RFX3: variants seen among roughly 807,000 people sequenced by gnomAD.
RFX3 encodes regulatory factor X3.
In RFX3, 14 loss-of-function variants were observed where a neutral mutation model predicts 98.6. The observed-to-expected ratio is 0.14, with a 90% CI of 0.09 to 0.22. The LOEUF is 0.22. RFX3 is among the 10% of genes least tolerant of loss of function. The probability of loss-of-function intolerance (pLI) is 1.00; values close to 1 mark genes in which losing one functional copy is unlikely to be tolerated. For missense variants in RFX3, 639 were observed against 926.9 expected, an observed-to-expected ratio of 0.69 and a Z score of 4.03; for synonymous variants, 383 against 328.4, an observed-to-expected ratio of 1.17 and a Z score of -1.80.
chr9:3,308,524 A>C (rs970341493), intron 4 of RFX3, among the ~76,000 whole-genome samples: 1 of 152,198 alleles, frequency 6.6e-6, no homozygotes, highest in African/African-American at 2.4e-5. Context: ...AAGGTTCAAG[A>C]GTCAAAGTTC....
At chr9:3,416,332 C>A (rs1487516992) in intron 1 of RFX3, among the ~76,000 whole-genome samples, 1 of 152,148 alleles carries the variant, frequency 6.6e-6, no homozygotes, top group Non-Finnish European at 1.5e-5. Flanking sequence ...ACATATCTAG[C>A]AAACAAGATT....
intron 2 of RFX3, among the ~76,000 whole-genome samples, chr9:3,391,022 T>C (rs1203345826): frequency 4.6e-5 from 7 of 152,206 alleles, no homozygotes; most frequent in Non-Finnish European, 2.9e-5. Flanking sequence ...TTTCTCTTTA[T>C]GTCAAAATCA....
intron 14 of RFX3, among the ~76,000 whole-genome samples, chr9:3,253,012 C>T (rs922127718): frequency 5.3e-5 from 8 of 152,058 alleles, no homozygotes; most frequent in African/African-American, 1.7e-4. Flanking sequence ...TCCTATTGTC[C>T]GATTCAGACT....
At chr9:3,348,450 T>C (rs997952856) in intron 2 of RFX3, among the ~76,000 whole-genome samples, 29 of 151,574 alleles carry the variant, frequency 1.9e-4, no homozygotes, top group Admixed American at 2.6e-4. Flanking sequence ...TAGCCATTGA[T>C]GATCATTTCC....
chr9:3,390,943 C>T (rs566443111), intron 2 of RFX3, among the ~76,000 whole-genome samples: 79 of 152,086 alleles, frequency 5.2e-4, no homozygotes, highest in Non-Finnish European at 1.0e-3. Flanking sequence ...TGGCAAAAAC[C>T]GCAATTACTT....
rs1310738027 is a variant in RFX3 at position 3,270,521 on chromosome 9, G to T, written c.1207C>A (p.Leu403Met). 2 of 1,610,846 alleles carry T rather than the reference G, an allele frequency of 1.2e-6. No individual in the cohort carries two copies. Among genetic ancestry groups the T allele is most frequent in the African/African-American group, 2.7e-5 (2 of 74,796 alleles). Reference sequence around the variant, plus strand: ...GGAAGTCGACTTTCTATTTCACTCAGATTGCTGGTGTGAATAAATGTAGCA... The same window carrying T: ...GGAAGTCGACTTTCTATTTCACTCATATTGCTGGTGTGAATAAATGTAGCA... ...DGTTITESSN[L>M]SEIESRLPKA... is the part of the protein sequence containing the mutation. Residue 403 changes from leucine (L) to methionine (M), a missense_variant, in exon 11 of 17, where the codon CTG becomes ATG. By Grantham distance (15) the Leu-to-Met change is conservative. Around this residue, in one of 9 missense-constraint regions of RFX3, gnomAD observed 30 missense variants for 23.0 expected, o/e 1.30. Transcript: ENST00000617270.
chr9:3,431,821 C>A (rs535575087), intron 1 of RFX3, among the ~76,000 whole-genome samples: 1 of 152,242 alleles, frequency 6.6e-6, no homozygotes, highest in Admixed American at 6.5e-5. Context: ...TTAAGAAAAT[C>A]ATCGAGGAGA....
chr9:3,325,554 C>T (rs1031479119), intron 4 of RFX3, among the ~76,000 whole-genome samples: 8 of 151,862 alleles, frequency 5.3e-5, no homozygotes, highest in Non-Finnish European at 1.2e-4. Flanking sequence ...TTTCATATCA[C>T]GGTCTCAAAA....
At chr9:3,381,334 A>T (rs528027420) in intron 2 of RFX3, among the ~76,000 whole-genome samples, 1 of 152,192 alleles carries the variant, frequency 6.6e-6, no homozygotes, top group African/African-American at 2.4e-5. Context: ...CATAAGAAAA[A>T]AATCAATAAA....
chr9:3,469,160 A>G lies in RFX3; in HGVS notation c.-9+56587T>C, dbSNP rs78339984. 2.5e-3 allele frequency: 1,119 copies of G among 456,034 alleles called. 15 individuals are homozygous for G. Among genetic ancestry groups the G allele is most frequent in the African/African-American group, 0.02 (1,015 of 50,194 alleles). 28.2% of individuals were successfully genotyped at this position (456,034 alleles called of 1,614,324 possible). ...AATTCTGTTCATTTATTTAACAAAA[A>G]GAGAAAGAAAGAAATACATGTCCAA... On this transcript the variant is annotated intron_variant, in intron 1 of 16. Coordinates refer to ENST00000617270, the MANE Select transcript of RFX3 (RefSeq NM_001282116.2).
At chr9:3,502,992 G>C (rs1260893659) in intron 1 of RFX3, among the ~76,000 whole-genome samples, 2 of 152,098 alleles carry the variant, frequency 1.3e-5, no homozygotes, top group African/African-American at 2.4e-5. Flanking sequence ...AATCAAAAGA[G>C]TTACGAGGAA....
chr9:3,393,046 A>AGG (rs1840475222), intron 2 of RFX3, among the ~76,000 whole-genome samples: 2 of 866 alleles, frequency 2.3e-3, no homozygotes, highest in South Asian at 0.077. Context: ...AGGGACAGGA[A>AGG]GGGTGGGTGG....
intron 2 of RFX3, among the ~76,000 whole-genome samples, chr9:3,374,299 T>C (rs1317607392): frequency 6.6e-6 from 1 of 152,190 alleles, no homozygotes; most frequent in Non-Finnish European, 1.5e-5. Context: ...AGAATTATCA[T>C]ATGATCCAGC....
intron 1 of RFX3, among the ~76,000 whole-genome samples, chr9:3,512,953 C>A (rs1817788229): frequency 6.6e-6 from 1 of 151,834 alleles, no homozygotes; most frequent in Non-Finnish European, 1.5e-5. Flanking sequence ...TTTTTGTAAC[C>A]CTCTACAATT....
At chr9:3,453,170 G>A (rs1846824684) in intron 1 of RFX3, among the ~76,000 whole-genome samples, 1 of 151,954 alleles carries the variant, frequency 6.6e-6, no homozygotes, top group Non-Finnish European at 1.5e-5. Flanking sequence ...AGTATAAATG[G>A]AAGTCTGTAG....
At chr9:3,266,908 T>G (rs944413399) in intron 11 of RFX3, among the ~76,000 whole-genome samples, 2 of 151,992 alleles carry the variant, frequency 1.3e-5, no homozygotes, top group Non-Finnish European at 2.9e-5. Flanking sequence ...AAACGATCAG[T>G]ATGATAAAAT....
At chr9:3,428,620 A>C (rs747406796) in intron 1 of RFX3, among the ~76,000 whole-genome samples, 1 of 152,144 alleles carries the variant, frequency 6.6e-6, no homozygotes, top group Non-Finnish European at 1.5e-5. Context: ...ATCTCAAATG[A>C]TCTGAATTCT....
chr9:3,325,635 A>T (rs1328428112), intron 4 of RFX3, among the ~76,000 whole-genome samples: 1 of 152,080 alleles, frequency 6.6e-6, no homozygotes, highest in Non-Finnish European at 1.5e-5. Context: ...TTATAAGAAT[A>T]AAAATATTAT....
At chr9:3,468,948 C>G (rs1394291365) in intron 1 of RFX3, among the ~76,000 whole-genome samples, 1 of 151,700 alleles carries the variant, frequency 6.6e-6, no homozygotes, top group East Asian at 1.9e-4. Context: ...TATCCCTTTT[C>G]AAAACCAATT....
Sources: gnomAD v4.1 joint callset for allele counts (sites outside exome capture counted in the v4.1 genomes callset) on GRCh38, gnomAD v4.1.1 for gene constraint, gnomAD v4.1.1 regional missense constraint, MANE v1.5 for transcripts, NCBI Gene and HGNC (gene_info 2026-07-23, HGNC 2026-07-21) for gene names.